RXFP1: variants seen among roughly 807,000 people sequenced by gnomAD.
RXFP1 encodes the protein relaxin family peptide receptor 1.
RXFP1 carries 73 observed loss-of-function variants against 89.8 expected under a neutral mutation model. The observed-to-expected ratio is 0.81, with a 90% CI of 0.67 to 0.99. The LOEUF (loss-of-function observed/expected upper bound fraction) is 0.99, where lower values mean the gene tolerates loss of function less well. Ranked by LOEUF, RXFP1 falls within the 50% of genes least tolerant of loss-of-function variation. The probability of loss-of-function intolerance (pLI) is 0.00; values close to 1 mark genes in which losing one functional copy is unlikely to be tolerated. For missense variants in RXFP1, 793 were observed against 895.5 expected (o/e 0.89, Z 1.46); for synonymous variants, 277 against 305.5 (o/e 0.91, Z 0.97).
Position 158,593,363 on chromosome 4 carries a change from G to A in RXFP1, c.188-38G>A, listed in dbSNP as rs764718788. On this transcript the variant is annotated intron_variant, in intron 2 of 17. Transcript: ENST00000307765. Reference sequence around the variant, plus strand: ...CCCCACAATATACCAGAATATCTCTGTTCCTTGAACTTTTTTGTTCTCTGA... The same window carrying A: ...CCCCACAATATACCAGAATATCTCTATTCCTTGAACTTTTTTGTTCTCTGA... 3.0e-6 allele frequency: 4 copies of A among 1,323,620 alleles called. No homozygotes were observed. In the African/African-American group the frequency reaches 5.8e-5, roughly 19 times the overall value. The allele number at this position is 1,323,620 out of a possible 1,614,324, so 82.0% of individuals were successfully genotyped here. A position where few individuals can be genotyped will look rare whatever the true frequency, so the allele number is the denominator to read the frequency against.
intron 9 of RXFP1, among the ~76,000 whole-genome samples, chr4:158,624,773 T>C (rs1468467657): frequency 1.3e-5 from 2 of 152,112 alleles, no homozygotes; most frequent in Non-Finnish European, 2.9e-5. Context: ...CATATTCATA[T>C]GTATGCTCAT....
chr4:158,535,091 A>T (rs915732440), intron 1 of RXFP1, among the ~76,000 whole-genome samples: 3 of 152,024 alleles, frequency 2.0e-5, no homozygotes, highest in Non-Finnish European at 4.4e-5. Context: ...AACTGGTTGC[A>T]GATTTACCCT....
intron 1 of RXFP1, among the ~76,000 whole-genome samples, chr4:158,563,444 A>G (rs1049698228): frequency 6.6e-6 from 1 of 151,902 alleles, no homozygotes; most frequent in African/African-American, 2.4e-5. Flanking sequence ...TAATTCATTT[A>G]CTAATGAGGG....
chr4:158,532,361 T>C (rs1224062993), intron 1 of RXFP1, among the ~76,000 whole-genome samples: 1 of 152,166 alleles, frequency 6.6e-6, no homozygotes. Flanking sequence ...TCCATGTCTT[T>C]GCTATTGTGA....
chr4:158,599,507 A>G, intron 4 of RXFP1, 76 bp downstream of exon 4: 9 of 1,066,660 alleles, frequency 8.4e-6, no homozygotes, highest in Non-Finnish European at 1.1e-5. Flanking sequence ...AGACCATGTG[A>G]TTATTCATAA....
intron 1 of RXFP1, among the ~76,000 whole-genome samples, chr4:158,532,077 T>G (rs142111689): frequency 6.6e-6 from 1 of 152,098 alleles, no homozygotes; most frequent in African/African-American, 2.4e-5. Flanking sequence ...TTTCAGAATT[T>G]TCCCCCCCTC....
intron 1 of RXFP1, among the ~76,000 whole-genome samples, chr4:158,557,903 G>A (rs1579593224): frequency 6.6e-6 from 1 of 152,038 alleles, no homozygotes; most frequent in African/African-American, 2.4e-5. Flanking sequence ...TTTGCTACTC[G>A]ATCTCTGTTA....
At chr4:158,633,566 T>A in intron 12 of RXFP1, 90 bp downstream of exon 12, 1 of 794,706 alleles carries the variant, frequency 1.3e-6, no homozygotes, top group Non-Finnish European at 2.0e-6. Context: ...TAGCCATTTT[T>A]AAGTGTGTAG....
rs1341578609 is a variant in RXFP1, at chr4:158,572,713, G to T, written c.65G>T (p.Gly22Val). 1.2e-6 allele frequency: 2 copies of T among 1,614,140 alleles called. No individual in the cohort carries two copies. The highest frequency in any genetic ancestry group is 1.7e-5 in the Admixed American group (1 of 60,026). Reference sequence around the variant, plus strand: ...TTTTCCTCAGTTTCTCATGGGGGTGGACAGGATGTCAAGTGCTCCCTTGGC... The same window carrying T: ...TTTTCCTCAGTTTCTCATGGGGGTGTACAGGATGTCAAGTGCTCCCTTGGC... ...IFGKYFSHGG[G>V]QDVKCSLGYF... The change falls in exon 2 of 18, where the codon GGA (glycine) becomes GTA (valine). Residue 22 changes from glycine to valine, a missense_variant. Transcript: ENST00000307765.
Position 158,651,772 on chromosome 4 carries a change from G to C in RXFP1, c.1991G>C (p.Trp664Ser), listed in dbSNP as rs578251197. The change falls in exon 18 of 18, where the codon TGG becomes TCG. Residue 664 changes from tryptophan (W) to serine (S), a missense_variant. Trp to Ser is a radical substitution (Grantham distance 177). Transcript: ENST00000307765. ...TCTTTTTTAGGTACCATAACCTCTT[G>C]GGTAGTGATTTTTATTCTGCCCATT... ...QVEIPGTITS[W>S]VVIFILPINS... 1.2e-6 allele frequency: 2 copies of C among 1,610,438 alleles called. No individual in the cohort carries two copies. The highest frequency in any genetic ancestry group is 4.5e-5 in the East Asian group (2 of 44,818).
At chr4:158,568,090 A>G (rs1269839854) in intron 1 of RXFP1, among the ~76,000 whole-genome samples, 2 of 152,248 alleles carry the variant, frequency 1.3e-5, no homozygotes, top group African/African-American at 2.4e-5. Flanking sequence ...TATGAGCTGT[A>G]ATACTCACCA....
At chr4:158,624,356 C>T (rs1374177715) in intron 9 of RXFP1, among the ~76,000 whole-genome samples, 2 of 152,062 alleles carry the variant, frequency 1.3e-5, no homozygotes, top group Admixed American at 6.6e-5. Context: ...GAGGAGGAAG[C>T]AGATAGAGAG....
intron 6 of RXFP1, among the ~76,000 whole-genome samples, chr4:158,611,508 C>T (rs1242379909): frequency 6.6e-6 from 1 of 152,176 alleles, no homozygotes; most frequent in Admixed American, 6.5e-5. Context: ...GGTGAGGCCC[C>T]ATTGAATTAC....
intron 2 of RXFP1, among the ~76,000 whole-genome samples, chr4:158,575,898 G>T (rs887797128): frequency 2.6e-5 from 4 of 152,222 alleles, no homozygotes; most frequent in African/African-American, 9.6e-5. Flanking sequence ...TTTAGCTTAT[G>T]ATTCTTGGGG....
chr4:158,620,528 G>A (rs560197353), intron 9 of RXFP1, among the ~76,000 whole-genome samples: 89 of 152,030 alleles, frequency 5.9e-4, no homozygotes, highest in African/African-American at 2.1e-3. Flanking sequence ...GAAAACCAAA[G>A]ATAAAGAAAA....
intron 1 of RXFP1, chr4:158,544,075 G>A (rs1268374567): frequency 8.1e-6 from 8 of 981,676 alleles, no homozygotes; most frequent in Non-Finnish European, 7.3e-6. Flanking sequence ...TGTCTATAAA[G>A]AGAAGAACTA....
In RXFP1 at chr4:158,612,149, A is replaced by G; in HGVS notation, c.556A>G (p.Ile186Val). The G allele has an allele frequency of 6.2e-7, 1 of 1,610,688 alleles. No homozygotes were observed. Among genetic ancestry groups the G allele is most frequent in the East Asian group, 2.2e-5 (1 of 44,780 alleles). The change falls in exon 7 of 18, where the codon ATA (isoleucine) becomes GTA (valine). Residue 186 changes from isoleucine to valine, a missense_variant. Physicochemically the swap from Ile to Val is conservative, Grantham distance 29. Transcript: ENST00000307765. ...LTKLYLSHNR[I>V]TFLKPGVFED... Reference sequence around the variant, plus strand: ...TTCCAGGTATCTCAGTCATAACAGAATAACCTTCCTGAAGCCGGGTGTTTT... The same window carrying G: ...TTCCAGGTATCTCAGTCATAACAGAGTAACCTTCCTGAAGCCGGGTGTTTT...
chr4:158,649,604 C>T (rs1466826457), intron 17 of RXFP1, among the ~76,000 whole-genome samples: 1 of 151,836 alleles, frequency 6.6e-6, no homozygotes, highest in African/African-American at 2.4e-5. Flanking sequence ...GAGCAAGATC[C>T]TGTCTCAAAA....
chr4:158,535,042 A>G (rs1449152882), intron 1 of RXFP1, among the ~76,000 whole-genome samples: 25 of 151,542 alleles, frequency 1.6e-4, no homozygotes, highest in Admixed American at 1.6e-3. Flanking sequence ...GAGAATTCCT[A>G]TTCCCATTAA....
Sources: gnomAD v4.1 joint callset for allele counts (sites outside exome capture counted in the v4.1 genomes callset) on GRCh38, gnomAD v4.1.1 for gene constraint, MANE v1.5 for transcripts, NCBI Gene and HGNC (gene_info 2026-07-23, HGNC 2026-07-21) for gene names.